JMJD1C: variants seen among roughly 807,000 people sequenced by gnomAD.
JMJD1C encodes the protein jumonji domain containing 1C.
In JMJD1C, 31 loss-of-function variants were observed where a neutral mutation model predicts 245.3. The observed-to-expected ratio is 0.13, with a 90% CI of 0.09 to 0.17. The LOEUF is 0.17. Ranked by LOEUF, JMJD1C falls within the 10% of genes least tolerant of loss-of-function variation. The pLI is 1.00. For missense variants in JMJD1C, 2,691 were observed against 3,000.2 expected (o/e 0.90, Z 2.41); for synonymous variants, 1,057 against 1,017.4 (o/e 1.04, Z -0.74).
intron 1 of JMJD1C, among the ~76,000 whole-genome samples, chr10:63,492,875 A>G (rs976850228): frequency 3.9e-5 from 6 of 152,172 alleles, no homozygotes; most frequent in Non-Finnish European, 7.3e-5. Flanking sequence ...AACCCACTAC[A>G]GTTTTGTCTG....
intron 13 of JMJD1C, 175 bp from the exon 14 acceptor site, chr10:63,194,550 T>C: frequency 2.0e-6 from 1 of 491,670 alleles, no homozygotes; most frequent in Non-Finnish European, 3.6e-6. Context: ...CTTTAGATGT[T>C]TGGTTCTGAA....
rs1308005894 is a variant in JMJD1C at position 63,214,027 on chromosome 10, A to G, written c.2140T>C (p.Tyr714His). 6.2e-7 allele frequency: 1 copy of G among 1,614,104 alleles called. No homozygotes were observed. The highest frequency in any genetic ancestry group is 8.5e-7 in the Non-Finnish European group (1 of 1,180,040). ...GACCCAATAAGTGCAGGATCTCTGT[A>G]AACTGTAAAATGCTCATTTTTATCA... ...IIDKNEHFTV[Y>H]RDPALIGSET... The change falls in exon 8 of 26, where the codon TAC becomes CAC. Residue 714 changes from tyrosine (Y) to histidine (H), a missense_variant. Tyr to His is a moderately conservative substitution (Grantham distance 83). Coordinates refer to ENST00000399262, the MANE Select transcript of JMJD1C (RefSeq NM_032776.3).
chr10:63,268,026 C>T (rs370300229), intron 2 of JMJD1C, among the ~76,000 whole-genome samples: 3 of 151,826 alleles, frequency 2.0e-5, no homozygotes, highest in Non-Finnish European at 4.4e-5. Context: ...TGTTAAAGCT[C>T]ACCATTTCAC....
chr10:63,340,860 G>A (rs566188474), intron 2 of JMJD1C, among the ~76,000 whole-genome samples: 1 of 152,034 alleles, frequency 6.6e-6, no homozygotes, highest in Non-Finnish European at 1.5e-5. Context: ...CAGGAGAATC[G>A]CTTGAACCCA....
At chr10:63,495,929 C>T (rs1316536012) in intron 1 of JMJD1C, among the ~76,000 whole-genome samples, 1 of 151,082 alleles carries the variant, frequency 6.6e-6, no homozygotes, top group Non-Finnish European at 1.5e-5. Flanking sequence ...AGGATATCAA[C>T]ATCTTTCAAC....
intron 1 of JMJD1C, among the ~76,000 whole-genome samples, chr10:63,500,079 C>T (rs148370025): frequency 1.2e-3 from 184 of 152,252 alleles, no homozygotes; most frequent in African/African-American, 3.6e-3. Context: ...AACTGAGAGG[C>T]CTGGCATGTA....
intron 1 of JMJD1C, among the ~76,000 whole-genome samples, chr10:63,460,238 A>G (rs1212403318): frequency 2.0e-5 from 3 of 152,186 alleles, no homozygotes; most frequent in Admixed American, 6.5e-5. Context: ...TAGTAAGGTC[A>G]GGTGTAGGTG....
chr10:63,318,542 T>A (rs1005270014), intron 2 of JMJD1C, among the ~76,000 whole-genome samples: 1 of 152,206 alleles, frequency 6.6e-6, no homozygotes. Context: ...CATCTGTTTC[T>A]GTTGTTTGCT....
chr10:63,197,532 T>G lies in JMJD1C; in HGVS notation c.5523A>C (p.Gly1841=), dbSNP rs1481179225. The change falls in exon 13 of 26, where the codon GGA becomes GGC. Residue 1841 remains glycine, a synonymous_variant. Transcript: ENST00000399262. ...CACATGCATCACACATCTCCCGGAC[T>G]CCTCTCACTGCTCTTTTCCAGGCAA... ...AKIAWKRAVR[G]VREMCDACEA... is the part of the protein sequence containing the mutation. The G allele has an allele frequency of 6.3e-7, 1 of 1,583,048 alleles. No homozygotes were observed. The highest frequency in any genetic ancestry group is 1.4e-5 in the African/African-American group (1 of 72,934).
intron 3 of JMJD1C, among the ~76,000 whole-genome samples, chr10:63,259,521 T>C (rs1168547470): frequency 2.0e-5 from 3 of 152,196 alleles, no homozygotes; most frequent in Non-Finnish European, 4.4e-5. Flanking sequence ...TGAGCAACAA[T>C]TACCTTAGGG....
chr10:63,305,442 T>C (rs1295337383), intron 2 of JMJD1C, among the ~76,000 whole-genome samples: 1 of 138,264 alleles, frequency 7.2e-6, no homozygotes, highest in Non-Finnish European at 1.5e-5. Flanking sequence ...CTGGATGACA[T>C]GGCAAGACGC....
intron 1 of JMJD1C, among the ~76,000 whole-genome samples, chr10:63,422,969 CTTTTTTTTTTT>C (rs1950213393): frequency 7.2e-6 from 1 of 138,796 alleles, no homozygotes; most frequent in Non-Finnish European, 1.6e-5. Context: ...TTTTTTTTTT[CTTTTTTTTTTT>C]GAGACTGAGT....
At chr10:63,472,175 T>A (rs1209766041) in intron 1 of JMJD1C, among the ~76,000 whole-genome samples, 1 of 151,940 alleles carries the variant, frequency 6.6e-6, no homozygotes, top group African/African-American at 2.4e-5. Context: ...CTATAATAGA[T>A]AAAAATCCTA....
chr10:63,379,345 A>T (rs1947029493), intron 2 of JMJD1C, among the ~76,000 whole-genome samples: 1 of 152,178 alleles, frequency 6.6e-6, no homozygotes, highest in African/African-American at 2.4e-5. Context: ...AATTTGTTAT[A>T]TGCTAGATGT....
intron 1 of JMJD1C, among the ~76,000 whole-genome samples, chr10:63,495,196 G>C (rs1338057038): frequency 1.3e-5 from 2 of 150,844 alleles, no homozygotes; most frequent in African/African-American, 2.4e-5. Context: ...TCACTCAAAG[G>C]AACCAATGTT....
At chr10:63,414,141 C>T (rs188308549) in intron 1 of JMJD1C, among the ~76,000 whole-genome samples, 44 of 152,060 alleles carry the variant, frequency 2.9e-4, no homozygotes, top group Admixed American at 1.4e-3. Context: ...TGTCCGCCAA[C>T]ACGCCCAGCT....
chr10:63,251,904 C>A (rs1168603354), intron 3 of JMJD1C, among the ~76,000 whole-genome samples: 1 of 152,096 alleles, frequency 6.6e-6, no homozygotes, highest in Non-Finnish European at 1.5e-5. Context: ...CCCAACTACT[C>A]GGGAGGCTGA....
intron 1 of JMJD1C, among the ~76,000 whole-genome samples, chr10:63,393,792 G>A (rs947738826): frequency 6.6e-6 from 1 of 152,106 alleles, no homozygotes; most frequent in African/African-American, 2.4e-5. Context: ...AATTTACATG[G>A]GGGAGGGAAA....
At chr10:63,344,444 T>C (rs1359635345) in intron 2 of JMJD1C, among the ~76,000 whole-genome samples, 3 of 152,062 alleles carry the variant, frequency 2.0e-5, no homozygotes, top group African/African-American at 7.2e-5. Context: ...AGAAATCACC[T>C]AAGGACACAT....
Sources: allele counts gnomAD v4.1 joint callset (sites outside exome capture counted in the v4.1 genomes callset), GRCh38; gene constraint gnomAD v4.1.1; transcripts MANE v1.5; gene names NCBI Gene and HGNC (gene_info 2026-07-23, HGNC 2026-07-21).